The following CLTCL1 variants were observed in gnomAD, a reference collection of about 807,000 sequenced individuals.
CLTCL1 encodes the protein clathrin heavy chain like 1, also known as clathrin heavy chain 2.
Under a neutral mutation model 190.0 loss-of-function variants are expected in CLTCL1, and 159 were observed. The ratio of observed to expected loss-of-function variants is 0.84; its 90% CI spans 0.74 to 0.95. The LOEUF (loss-of-function observed/expected upper bound fraction) is 0.95, where lower values mean the gene tolerates loss of function less well. Ranked by LOEUF, CLTCL1 falls within the 40% of genes least tolerant of loss-of-function variation. The pLI is 0.00. For missense variants in CLTCL1, 1,878 were observed against 2,033.4 expected (o/e 0.92, Z 1.47); for synonymous variants, 752 against 769.6 (o/e 0.98, Z 0.38).
chr22:19,210,528 C>A lies in CLTCL1; in HGVS notation c.3066-19G>T. The A allele has an allele frequency of 1.2e-6, 2 of 1,603,032 alleles. No homozygotes were observed. The highest frequency in any genetic ancestry group is 2.2e-5 in the South Asian group (2 of 90,628). ...TAGATTCCTGAGGAGAGAGGGTGGTCAGCACGGCATCCCAGGAACGAAGGC... is the reference window on the plus strand; with the variant it reads ...TAGATTCCTGAGGAGAGAGGGTGGTAAGCACGGCATCCCAGGAACGAAGGC... On this transcript the variant is annotated intron_variant, in intron 19 of 32. Transcript: ENST00000427926.
At chr22:19,259,193 C>A (rs1371751259) in intron 2 of CLTCL1, among the ~76,000 whole-genome samples, 2 of 152,174 alleles carry the variant, frequency 1.3e-5, no homozygotes, top group Non-Finnish European at 2.9e-5. Flanking sequence ...GCCACCTCTG[C>A]CTCTCAGGTT....
intron 30 of CLTCL1, chr22:19,182,697 C>CA (rs2084179813): frequency 2.6e-5 from 4 of 152,242 alleles, no homozygotes; most frequent in African/African-American, 7.2e-5. Flanking sequence ...CGAGGCTCTC[C>CA]ATCTGGCTTG....
intron 22 of CLTCL1, among the ~76,000 whole-genome samples, chr22:19,202,668 C>T (rs919951933): frequency 7.9e-5 from 12 of 151,754 alleles, no homozygotes; most frequent in South Asian, 2.1e-4. Flanking sequence ...CACCCCTACA[C>T]GCCTGTCATC....
intron 27 of CLTCL1, among the ~76,000 whole-genome samples, chr22:19,189,757 A>C (rs983221568): frequency 6.6e-6 from 1 of 152,176 alleles, no homozygotes; most frequent in African/African-American, 2.4e-5. Context: ...TGGTGTCTTT[A>C]CTTGTTTCCA....
chr22:19,263,118 AT>A (rs1439956187), intron 2 of CLTCL1, among the ~76,000 whole-genome samples: 1 of 151,208 alleles, frequency 6.6e-6, no homozygotes, highest in Non-Finnish European at 1.5e-5. Flanking sequence ...TTATTCATTT[AT>A]TTATTTATTT....
Position 19,275,761 on chromosome 22 carries a change from T to C in CLTCL1, c.112A>G (p.Ile38Val), listed in dbSNP as rs2146294631. 1.2e-6 allele frequency: 2 copies of C among 1,610,316 alleles called. No homozygotes were observed. The highest frequency in any genetic ancestry group is 1.7e-4 in the Middle Eastern group (1 of 6,054). ...STLTMESDKF[I>V]CIREKVGEQA... is the part of the protein sequence containing the mutation. ...TCACCAACTTTCTCTCGGATACATA[T>C]GAACTTGTCAGATTCCATGGTCAGT... Residue 38 changes from isoleucine (I) to valine (V), a missense_variant, in exon 2 of 33, where the codon ATA becomes GTA. Coordinates refer to ENST00000427926, the MANE Select transcript of CLTCL1 (RefSeq NM_007098.4).
chr22:19,207,104 T>C (rs935560901), intron 22 of CLTCL1, among the ~76,000 whole-genome samples: 1 of 136,604 alleles, frequency 7.3e-6, no homozygotes, highest in Non-Finnish European at 1.5e-5. Context: ...GCAACCTCCA[T>C]CTCCCGGATT....
chr22:19,249,060 C>G (rs1180484658), intron 3 of CLTCL1, among the ~76,000 whole-genome samples: 1 of 152,130 alleles, frequency 6.6e-6, no homozygotes, highest in Non-Finnish European at 1.5e-5. Flanking sequence ...GGATACAACA[C>G]TTTGATTAGA....
chr22:19,190,807 T>TCA (rs2084475341), intron 27 of CLTCL1, among the ~76,000 whole-genome samples: 1 of 150,104 alleles, frequency 6.7e-6, no homozygotes, highest in African/African-American at 2.5e-5. Flanking sequence ...AGACAGAGTC[T>TCA]CACACTGTCA....
At chr22:19,280,079 A>G (rs2087651783) in intron 1 of CLTCL1, among the ~76,000 whole-genome samples, 1 of 152,266 alleles carries the variant, frequency 6.6e-6, no homozygotes, top group African/African-American at 2.4e-5. Flanking sequence ...GAGACTGTCA[A>G]TATACTAGAG....
In CLTCL1 at chr22:19,221,813, T is replaced by C. The variant is rs572788707; in HGVS notation, c.2561+138A>G. Reference sequence around the variant, plus strand: ...TCCCCCAAGGTCTTCACAGTACCAATAGCAAGTAACTCATTGCTACATCTA... The same window carrying C: ...TCCCCCAAGGTCTTCACAGTACCAACAGCAAGTAACTCATTGCTACATCTA... On this transcript the variant is annotated intron_variant, in intron 16 of 32. Coordinates refer to ENST00000427926, the MANE Select transcript of CLTCL1 (RefSeq NM_007098.4). 8.3e-4 allele frequency: 876 copies of C among 1,060,282 alleles called. 1 individual carries two copies. Among genetic ancestry groups the C allele is most frequent in the Non-Finnish European group, 1.1e-3 (815 of 741,316 alleles). The allele number at this position is 1,060,282 out of a possible 1,614,324, so 65.7% of individuals were successfully genotyped here. A position where few individuals can be genotyped will look rare whatever the true frequency, so the allele number is the denominator to read the frequency against.
At chr22:19,186,051 T>G (rs956389181) in intron 29 of CLTCL1, among the ~76,000 whole-genome samples, 4 of 152,102 alleles carry the variant, frequency 2.6e-5, no homozygotes, top group Non-Finnish European at 4.4e-5. Context: ...GGTGACAACT[T>G]AGGGTGAAAC....
At chr22:19,190,312 G>A (rs2084450225) in intron 27 of CLTCL1, among the ~76,000 whole-genome samples, 1 of 152,194 alleles carries the variant, frequency 6.6e-6, no homozygotes, top group African/African-American at 2.4e-5. Flanking sequence ...GAGGCCCAAG[G>A]AAAGGAAGAG....
intron 11 of CLTCL1, 124 bp from the exon 12 acceptor site, chr22:19,226,507 C>T: frequency 2.0e-6 from 2 of 1,025,062 alleles, no homozygotes; most frequent in Non-Finnish European, 2.9e-6. Flanking sequence ...CCCCTGTCCA[C>T]ATCCATACCT....
intron 26 of CLTCL1, among the ~76,000 whole-genome samples, chr22:19,195,857 TA>T (rs74936976): frequency 2.7e-3 from 357 of 133,254 alleles, no homozygotes; most frequent in Middle Eastern, 7.5e-3. Flanking sequence ...AGACATGAAC[TA>T]AAAAAAAAAA....
At chr22:19,180,014 T>C (rs1322887654) in intron 32 of CLTCL1, 45 bp from the exon 33 acceptor site, 3 of 606,772 alleles carry the variant, frequency 4.9e-6, no homozygotes, top group African/African-American at 1.9e-5. Context: ...TTCCTGCCCA[T>C]GGGGGTCCTC....
In CLTCL1 at chr22:19,233,208, T is replaced by C; in HGVS notation, c.1479A>G (p.Ala493=). 1 of 1,613,988 alleles carries C rather than the reference T, an allele frequency of 6.2e-7. No homozygotes were observed. The highest frequency in any genetic ancestry group is 1.1e-5 in the South Asian group (1 of 91,090). The change falls in exon 9 of 33, where the codon GCA becomes GCG. Residue 493 remains alanine, a synonymous_variant. Transcript: ENST00000427926. ...NVPSKVIQCF[A]ETGQFQKIVL... Reference sequence around the variant, plus strand: ...CAATTTTCTGGAATTGGCCTGTTTCTGCAAAACACTGGATCACTTTGCTTG... The same window carrying C: ...CAATTTTCTGGAATTGGCCTGTTTCCGCAAAACACTGGATCACTTTGCTTG...
intron 19 of CLTCL1, among the ~76,000 whole-genome samples, chr22:19,214,703 T>C (rs1466722302): frequency 6.7e-6 from 1 of 148,438 alleles, no homozygotes; most frequent in Non-Finnish European, 1.5e-5. Flanking sequence ...TTTTTTGAGA[T>C]GGAGTCTCGC....
rs2086858105 is a variant in CLTCL1, at chr22:19,259,067, CTT to C, written c.251-4842_251-4841del. Reference sequence around the variant, plus strand: ...TATAGGCATACCTCACTTTATTACACTTTGTTTTATTGTGTCTTGCAGATATT... The same window carrying C: ...TATAGGCATACCTCACTTTATTACACTGTTTTATTGTGTCTTGCAGATATT... On this transcript the variant is annotated intron_variant, in intron 2 of 32. Transcript: ENST00000427926. Among the ~76,000 whole-genome samples the C allele has an allele frequency of 3.3e-5, 5 of 152,206 alleles. No homozygotes were observed. In the South Asian group the frequency reaches 1.0e-3, roughly 32 times the overall value.
Sources: allele counts gnomAD v4.1 joint callset (sites outside exome capture counted in the v4.1 genomes callset), GRCh38; gene constraint gnomAD v4.1.1; transcripts MANE v1.5; gene names NCBI Gene and HGNC (gene_info 2026-07-23, HGNC 2026-07-21).